The following CTNNA3 variants were observed in gnomAD, a reference collection of about 807,000 sequenced individuals.
CTNNA3 encodes the protein catenin alpha-3.
In CTNNA3, 76 loss-of-function variants were observed where a neutral mutation model predicts 95.7. The observed-to-expected ratio is 0.79, with a 90% CI of 0.66 to 0.96. The LOEUF (loss-of-function observed/expected upper bound fraction) is 0.96. Among genes scored for constraint, CTNNA3 ranks in the 40% least tolerant of loss-of-function variants. The probability of loss-of-function intolerance (pLI) is 0.00; values close to 1 mark genes in which losing one functional copy is unlikely to be tolerated. For synonymous variants in CTNNA3, 431 were observed against 374.4 expected, an observed-to-expected ratio of 1.15 and a Z score of -1.74; for missense variants, 1,191 against 1,089.8, an observed-to-expected ratio of 1.09 and a Z score of -1.31.
At chr10:67,204,474 C>A (rs1253997943) in intron 6 of CTNNA3, among the ~76,000 whole-genome samples, 4 of 152,164 alleles carry the variant, frequency 2.6e-5, no homozygotes, top group Non-Finnish European at 5.9e-5. Flanking sequence ...CAGAAGCTCT[C>A]GTGCTTCCTG....
At position 67,122,994 on chromosome 10, in the gene CTNNA3, GT is replaced by G. The variant is rs750466534; in HGVS notation, c.1047+57322del. Among the ~76,000 whole-genome samples, 91 of 152,254 alleles carry G rather than the reference GT, an allele frequency of 6.0e-4. No individual in the cohort carries two copies. The Middle Eastern group carries it at 0.01, about 17-fold the overall frequency. On this transcript the variant is annotated intron_variant, in intron 7 of 17. Coordinates refer to ENST00000433211, the MANE Select transcript of CTNNA3 (RefSeq NM_013266.4). ...AAAGGAAAAAAATAGGGCTGCAGCA[GT>G]ATCAGCAGGTAGGTATTAGTGTATT...
intron 5 of CTNNA3, among the ~76,000 whole-genome samples, chr10:67,466,493 A>G (rs1242512263): frequency 6.6e-6 from 1 of 152,218 alleles, no homozygotes; most frequent in African/African-American, 2.4e-5. Flanking sequence ...CATTGCTTTT[A>G]GGATAATCAG....
intron 5 of CTNNA3, among the ~76,000 whole-genome samples, chr10:67,283,886 T>C (rs552802610): frequency 6.6e-6 from 1 of 152,334 alleles, no homozygotes; most frequent in East Asian, 1.9e-4. Context: ...TCTACAGGTA[T>C]GTCCATACTT....
At chr10:66,292,557 C>A in intron 12 of CTNNA3, among the ~76,000 whole-genome samples, 1 of 152,110 alleles carries the variant, frequency 6.6e-6, no homozygotes, top group East Asian at 1.9e-4. Flanking sequence ...TCTGCCACTG[C>A]AATTCTTGGC....
chr10:66,791,791 C>G (rs1840979158), intron 7 of CTNNA3, among the ~76,000 whole-genome samples: 1 of 151,684 alleles, frequency 6.6e-6, no homozygotes, highest in Non-Finnish European at 1.5e-5. Flanking sequence ...GATAGGCCTC[C>G]TTACAATCAA....
chr10:66,548,160 G>A (rs537723467), intron 10 of CTNNA3, among the ~76,000 whole-genome samples: 19 of 151,750 alleles, frequency 1.3e-4, no homozygotes, highest in African/African-American at 3.9e-4. Context: ...CAGGTGATCC[G>A]TCCACCTCGG....
intron 7 of CTNNA3, among the ~76,000 whole-genome samples, chr10:67,127,185 C>T (rs1859758841): frequency 6.6e-6 from 1 of 151,982 alleles, no homozygotes; most frequent in South Asian, 2.1e-4. Flanking sequence ...ATGATACAAC[C>T]CCACTGTAGA....
intron 14 of CTNNA3, among the ~76,000 whole-genome samples, chr10:66,086,551 G>A (rs2080992270): frequency 6.6e-6 from 1 of 151,882 alleles, no homozygotes; most frequent in Non-Finnish European, 1.5e-5. Flanking sequence ...TACCAAGTAA[G>A]GGCAATAAAA....
At position 66,443,987 on chromosome 10, in the gene CTNNA3, A is replaced by T. The variant is rs553992141; in HGVS notation, c.1532-64635T>A. ...TGCAGAGAAGTCCTTAAAGGAGCTGATGGAGTTGAAAGCCAAGGCTCAAGA... is the reference window on the plus strand; with the variant it reads ...TGCAGAGAAGTCCTTAAAGGAGCTGTTGGAGTTGAAAGCCAAGGCTCAAGA... On this transcript the variant is annotated intron_variant, in intron 11 of 17. Coordinates refer to ENST00000433211, the MANE Select transcript of CTNNA3 (RefSeq NM_013266.4). Among the ~76,000 whole-genome samples the T allele has an allele frequency of 3.0e-4, 46 of 152,252 alleles. 2 individuals carry two copies. Among genetic ancestry groups the T allele is most frequent in the South Asian group, 1.0e-3 (5 of 4,826 alleles).
chr10:67,531,729 TG>T (rs758268289), intron 4 of CTNNA3, among the ~76,000 whole-genome samples: 60 of 152,082 alleles, frequency 3.9e-4, no homozygotes, highest in Non-Finnish European at 6.2e-4. Context: ...ACATGAGATT[TG>T]GGAGGGGCTG....
intron 1 of CTNNA3, among the ~76,000 whole-genome samples, chr10:67,739,696 T>C (rs1214497125): frequency 6.6e-6 from 1 of 152,102 alleles, no homozygotes; most frequent in East Asian, 1.9e-4. Context: ...TGGTCATGGA[T>C]AGGAAGAATC....
chr10:65,933,129 A>T (rs1049675035), intron 17 of CTNNA3, among the ~76,000 whole-genome samples: 3 of 151,928 alleles, frequency 2.0e-5, no homozygotes, highest in Non-Finnish European at 2.9e-5. Flanking sequence ...ATCCATAGAT[A>T]AAAAAAATAC....
chr10:66,980,644 G>T (rs183795225), intron 7 of CTNNA3, among the ~76,000 whole-genome samples: 1 of 152,110 alleles, frequency 6.6e-6, no homozygotes, highest in African/African-American at 2.4e-5. Flanking sequence ...TTGCAAGCCC[G>T]CAATTCTGTT....
At chr10:66,985,030 G>A (rs1323342133) in intron 7 of CTNNA3, among the ~76,000 whole-genome samples, 7 of 152,026 alleles carry the variant, frequency 4.6e-5, no homozygotes, top group Admixed American at 4.6e-4. Context: ...CAAACATACA[G>A]AGCTCATCCC....
chr10:67,390,162 C>T (rs1420753849), intron 5 of CTNNA3, among the ~76,000 whole-genome samples: 1 of 152,096 alleles, frequency 6.6e-6, no homozygotes, highest in African/African-American at 2.4e-5. Context: ...AGACCACTAG[C>T]ATGACTAATA....
intron 11 of CTNNA3, among the ~76,000 whole-genome samples, chr10:66,389,560 A>C (rs2092919798): frequency 6.6e-6 from 1 of 152,152 alleles, no homozygotes; most frequent in African/African-American, 2.4e-5. Context: ...ACATGGGATA[A>C]TAAAGGAATT....
At chr10:67,727,644 TA>T (rs1841245433) in intron 1 of CTNNA3, among the ~76,000 whole-genome samples, 1 of 128,260 alleles carries the variant, frequency 7.8e-6, no homozygotes, top group Non-Finnish European at 1.6e-5. Context: ...TATTATATAT[TA>T]TTATATTATA....
At chr10:66,389,974 G>A (rs909112648) in intron 11 of CTNNA3, among the ~76,000 whole-genome samples, 3 of 152,138 alleles carry the variant, frequency 2.0e-5, no homozygotes, top group East Asian at 1.9e-4. Context: ...CGCCTCAAGC[G>A]ATTCTCCTAC....
At chr10:67,497,500 A>C (rs1839065152) in intron 5 of CTNNA3, among the ~76,000 whole-genome samples, 1 of 152,190 alleles carries the variant, frequency 6.6e-6, no homozygotes, top group Non-Finnish European at 1.5e-5. Context: ...TCCTTGAGGA[A>C]TTGCCACACT....
Sources: gnomAD v4.1 joint callset for allele counts (sites outside exome capture counted in the v4.1 genomes callset) on GRCh38, gnomAD v4.1.1 for gene constraint, MANE v1.5 for transcripts, NCBI Gene and HGNC (gene_info 2026-07-23, HGNC 2026-07-21) for gene names.